The following SNTG2 variants were observed in gnomAD, a reference collection of about 807,000 sequenced individuals.
SNTG2 encodes syntrophin gamma 2.
Under a neutral mutation model 70.9 loss-of-function variants are expected in SNTG2, and 74 were observed. That is an observed-to-expected ratio of 1.04 (90% CI 0.86 to 1.27). SNTG2 has a LOEUF of 1.27. Among genes scored for constraint, SNTG2 ranks in the 50% most tolerant of loss-of-function variants. The pLI, the probability that SNTG2 is intolerant of heterozygous loss-of-function variation, is 0.00. For synonymous variants in SNTG2, 278 were observed against 273.8 expected, an observed-to-expected ratio of 1.02 and a Z score of -0.15; for missense variants, 717 against 690.7, an observed-to-expected ratio of 1.04 and a Z score of -0.43.
Position 1,097,901 on chromosome 2 carries a change from A to T in SNTG2, c.211-295A>T, listed in dbSNP as rs1665499118. 6.6e-6 allele frequency among the ~76,000 whole-genome samples: 1 copy of T among 151,460 alleles called. No individual in the cohort carries two copies. The highest frequency in any genetic ancestry group is 2.1e-4 in the South Asian group (1 of 4,784). On this transcript the variant is annotated intron_variant, in intron 2 of 16. Transcript: ENST00000308624. This position sits in a 1 kb window ranked among gnomAD's most constrained non-coding sequence, Gnocchi z 4.1. Reference sequence around the variant, plus strand: ...AGGTGGACCCCTCGTTTCTTCATGGAGCTCCGTTCCTCACAAGCAGAATGC... The same window carrying T: ...AGGTGGACCCCTCGTTTCTTCATGGTGCTCCGTTCCTCACAAGCAGAATGC...
chr2:1,039,371 A>T (rs948924814), intron 1 of SNTG2, among the ~76,000 whole-genome samples: 17 of 152,220 alleles, frequency 1.1e-4, no homozygotes, highest in African/African-American at 3.4e-4. Context: ...ATAACATTGA[A>T]ATGCTTTCTG....
At chr2:1,344,965 G>A (rs79022135) in intron 16 of SNTG2, among the ~76,000 whole-genome samples, 3 of 342 alleles carry the variant, frequency 8.8e-3, no homozygotes, top group Non-Finnish European at 6.7e-3. Context: ...GAGTGGACTC[G>A]CACTTTTCCC....
At chr2:1,005,859 AT>A (rs1659554393) in intron 1 of SNTG2, among the ~76,000 whole-genome samples, 1 of 24,066 alleles carries the variant, frequency 4.2e-5, no homozygotes, top group Non-Finnish European at 8.5e-5. Context: ...ATATATATAT[AT>A]ATATATATAT....
At chr2:1,040,286 C>T (rs565636895) in intron 1 of SNTG2, among the ~76,000 whole-genome samples, 1 of 152,186 alleles carries the variant, frequency 6.6e-6, no homozygotes, top group African/African-American at 2.4e-5. Flanking sequence ...TTTGAAGCTT[C>T]CCAGGCCATT....
At chr2:1,171,908 G>A (rs57724855) in intron 7 of SNTG2, among the ~76,000 whole-genome samples, 47,953 of 152,016 alleles carry the variant, frequency 0.32, 8,154 homozygotes, top group East Asian at 0.66. Context: ...AAGCCATATC[G>A]CATTCCTGTC....
chr2:1,280,832 G>A (rs1300368762), intron 14 of SNTG2, among the ~76,000 whole-genome samples: 1 of 152,172 alleles, frequency 6.6e-6, no homozygotes, highest in African/African-American at 2.4e-5. Context: ...TTTAATAAGT[G>A]TATTGTGTAA....
intron 9 of SNTG2, among the ~76,000 whole-genome samples, chr2:1,221,499 GTCTCTCTCTC>G (rs1024445414): frequency 0.017 from 140 of 8,262 alleles, 12 homozygotes; most frequent in Non-Finnish European, 0.024. Context: ...GTCTCTCTCT[GTCTCTCTCTC>G]TCTCTCTGTC....
At chr2:1,137,702 A>G (rs374464576) in intron 5 of SNTG2, 37 bp downstream of exon 5, 171 of 1,613,336 alleles carry the variant, frequency 1.1e-4, no homozygotes, top group African/African-American at 8.1e-4. Flanking sequence ...ACTTGATTGC[A>G]TTTTTATTTT....
chr2:1,221,234 C>G (rs1674744942), intron 9 of SNTG2, among the ~76,000 whole-genome samples: 1 of 123,998 alleles, frequency 8.1e-6, no homozygotes, highest in Non-Finnish European at 1.7e-5. Flanking sequence ...GAGTCTGTCT[C>G]TGCCTCTGCC....
intron 12 of SNTG2, among the ~76,000 whole-genome samples, chr2:1,254,549 T>A (rs939524654): frequency 6.6e-6 from 1 of 152,262 alleles, no homozygotes; most frequent in South Asian, 2.1e-4. Flanking sequence ...CATAGGTATA[T>A]TCTATCATTA....
At chr2:1,320,548 AAAAAGAAAGAAAAAAAG>A (rs1681475404) in intron 16 of SNTG2, among the ~76,000 whole-genome samples, 3 of 150,714 alleles carry the variant, frequency 2.0e-5, no homozygotes, top group African/African-American at 4.9e-5. Flanking sequence ...AAAAAAAAAA[AAAAAGAAAGAAAAAAAG>A]AAAAGAAAGA....
intron 1 of SNTG2, among the ~76,000 whole-genome samples, chr2:1,072,337 CTTTTTCTTTTTCTTTTT>C (rs1275834000): frequency 1.7e-5 from 2 of 120,664 alleles, no homozygotes; most frequent in African/African-American, 3.0e-5. Context: ...TTTTTCTTTT[CTTTTTCTTTTTCTTTTT>C]TTTTTTTTTT....
chr2:1,246,419 G>A (rs142708654), intron 11 of SNTG2, among the ~76,000 whole-genome samples: 1 of 152,204 alleles, frequency 6.6e-6, no homozygotes, highest in Non-Finnish European at 1.5e-5. Flanking sequence ...GGCTGTGACG[G>A]GACTTACCTG....
chr2:1,360,454 G>A (rs1021868567), intron 16 of SNTG2, among the ~76,000 whole-genome samples: 5 of 152,162 alleles, frequency 3.3e-5, no homozygotes, highest in African/African-American at 1.2e-4. Flanking sequence ...GCACAGCTTA[G>A]AAGGAAGGTA....
chr2:996,786 A>C (rs907437928), intron 1 of SNTG2, among the ~76,000 whole-genome samples: 1 of 146,646 alleles, frequency 6.8e-6, no homozygotes, highest in Non-Finnish European at 1.5e-5. Flanking sequence ...CTCTATTAAC[A>C]TGAGGGTTGC....
At chr2:1,081,162 C>A (rs553600503) in intron 1 of SNTG2, among the ~76,000 whole-genome samples, 2 of 152,218 alleles carry the variant, frequency 1.3e-5, no homozygotes, top group Non-Finnish European at 2.9e-5. Context: ...CAAGCCCACA[C>A]GCCTGGGCTA....
chr2:1,157,520 C>A (rs1444719057), intron 6 of SNTG2, among the ~76,000 whole-genome samples: 2 of 152,316 alleles, frequency 1.3e-5, no homozygotes, highest in East Asian at 1.9e-4. Flanking sequence ...CTGTGCACGT[C>A]CCTCACATCC....
At chr2:1,138,988 T>G (rs757811704) in intron 6 of SNTG2, among the ~76,000 whole-genome samples, 2 of 152,182 alleles carry the variant, frequency 1.3e-5, no homozygotes, top group Non-Finnish European at 2.9e-5. Context: ...ATTCAAGATG[T>G]GTAGTTATCG....
intron 9 of SNTG2, among the ~76,000 whole-genome samples, chr2:1,215,337 T>C (rs1674309082): frequency 6.6e-6 from 1 of 152,216 alleles, no homozygotes; most frequent in Non-Finnish European, 1.5e-5. Flanking sequence ...ATTTATTTGG[T>C]AGAATTCAGC....
Sources: allele counts gnomAD v4.1 joint callset (sites outside exome capture counted in the v4.1 genomes callset), GRCh38; gene constraint gnomAD v4.1.1; non-coding constraint Gnocchi (gnomAD v3.1); transcripts MANE v1.5; gene names NCBI Gene and HGNC (gene_info 2026-07-23, HGNC 2026-07-21).